AMZ1: variants seen among roughly 807,000 people sequenced by gnomAD.
The protein encoded by AMZ1 is archaelysin family metallopeptidase 1.
AMZ1 carries 39 observed loss-of-function variants against 29.9 expected under a neutral mutation model. The ratio of observed to expected loss-of-function variants is 1.30; its 90% confidence interval spans 1.01 to 1.70. The LOEUF is 1.70. AMZ1 is among the 40% of genes most tolerant of loss of function. AMZ1 has a pLI of 0.00. For missense variants in AMZ1, 1,041 were observed against 680.6 expected (o/e 1.53, Z -5.89); for synonymous variants, 458 against 304.0 (o/e 1.51, Z -5.27).
chr7:2,697,678 G>C (rs568492097), intron 1 of AMZ1, among the ~76,000 whole-genome samples: 9 of 152,298 alleles, frequency 5.9e-5, no homozygotes, highest in Non-Finnish European at 1.2e-4. Context: ...ACCCGCCTCA[G>C]CCTCCTGAAG....
intron 4 of AMZ1, among the ~76,000 whole-genome samples, chr7:2,736,797 A>G (rs931245339): frequency 7.9e-5 from 12 of 152,232 alleles, no homozygotes; most frequent in African/African-American, 2.9e-4. Flanking sequence ...GCACTGCAGC[A>G]GCCTCGCCCG....
chr7:2,709,303 G>C lies in AMZ1; in HGVS notation c.771+59G>C, dbSNP rs567444118. On this transcript the variant is annotated intron_variant, in intron 5 of 6. Transcript: ENST00000683327. Reference sequence around the variant, plus strand: ...CAGGAGGGTGCTGTCTGAGCCCTTGGTGCCTCGGTCTGTTACACTGCCCCA... The same window carrying C: ...CAGGAGGGTGCTGTCTGAGCCCTTGCTGCCTCGGTCTGTTACACTGCCCCA... The C allele has an allele frequency of 7.6e-6, 11 of 1,438,778 alleles. No individual in the cohort carries two copies. In the African/African-American group the frequency reaches 1.4e-4, roughly 19 times the overall value. The allele number at this position is 1,438,778 out of a possible 1,614,324, so 89.1% of individuals were successfully genotyped here.
chr7:2,738,406 C>T (rs1790321562), intron 4 of AMZ1, among the ~76,000 whole-genome samples: 1 of 152,182 alleles, frequency 6.6e-6, no homozygotes, highest in South Asian at 2.1e-4. Context: ...GATCTCCACG[C>T]AGTCAGGGGC....
rs996035384 is a variant in AMZ1, at chr7:2,716,762, G to A, written c.*3884G>A. ...CCCTAGTGGGTCAGTCAACTCCACC[G>A]CTTAAGGGGTCCTTCCTATGTAACG... On this transcript the variant is annotated 3_prime_UTR_variant, in exon 7 of 7. Coordinates refer to ENST00000683327, the MANE Select transcript of AMZ1 (RefSeq NM_001384743.1). Among the ~76,000 whole-genome samples the A allele has an allele frequency of 2.0e-5, 3 of 152,180 alleles. No individual in the cohort carries two copies. Among genetic ancestry groups the A allele is most frequent in the Non-Finnish European group, 2.9e-5 (2 of 68,036 alleles).
intron 1 of AMZ1, among the ~76,000 whole-genome samples, chr7:2,680,417 G>C (rs894566787): frequency 6.6e-6 from 1 of 152,136 alleles, no homozygotes; most frequent in Non-Finnish European, 1.5e-5. Flanking sequence ...GATCCTGCAG[G>C]GCTTCTCCAG....
intron 4 of AMZ1, among the ~76,000 whole-genome samples, chr7:2,736,645 A>C (rs1292808230): frequency 6.6e-6 from 1 of 152,168 alleles, no homozygotes; most frequent in Non-Finnish European, 1.5e-5. Flanking sequence ...AGGCCGACAC[A>C]CGCCCATGAG....
chr7:2,746,091 G>A (rs1303650473), intron 4 of AMZ1, among the ~76,000 whole-genome samples: 1 of 152,110 alleles, frequency 6.6e-6, no homozygotes, highest in Non-Finnish European at 1.5e-5. Flanking sequence ...ACACCCCACT[G>A]TCAACATTAG....
upstream of AMZ1, among the ~76,000 whole-genome samples, chr7:2,761,743 G>C (rs1181152836): frequency 6.6e-6 from 1 of 152,084 alleles, no homozygotes; most frequent in African/African-American, 2.4e-5. Flanking sequence ...TGACAAGATG[G>C]GCCACTGGAA....
At chr7:2,689,818 G>A (rs1435747863) in intron 1 of AMZ1, among the ~76,000 whole-genome samples, 1 of 152,190 alleles carries the variant, frequency 6.6e-6, no homozygotes, top group Non-Finnish European at 1.5e-5. Flanking sequence ...CTCCTTTTTG[G>A]AGCATGGATG....
intron 1 of AMZ1, among the ~76,000 whole-genome samples, chr7:2,696,921 G>C (rs1302449969): frequency 1.3e-5 from 2 of 152,044 alleles, no homozygotes; most frequent in Non-Finnish European, 2.9e-5. Flanking sequence ...TTGAGGGCTG[G>C]TGGGATTGTA....
rs564955841 is a variant in AMZ1, at chr7:2,735,449, C to A, written n.550+25633C>A. ...GCTCTTATCACCACAGGACACAAAG[C>A]CCTGGACACACGTGCTCCGCCCAGA... On this transcript the variant is annotated intron_variant and non_coding_transcript_variant, in intron 4 of 4. Coordinates refer to the AMZ1 transcript ENST00000489665. 3.4e-5 allele frequency among the ~76,000 whole-genome samples: 5 copies of A among 146,906 alleles called. No individual in the cohort carries two copies. The South Asian group carries it at 8.6e-4, about 25-fold the overall frequency.
chr7:2,722,968 G>C (rs1789482898), downstream of AMZ1, among the ~76,000 whole-genome samples: 1 of 152,014 alleles, frequency 6.6e-6, no homozygotes, highest in African/African-American at 2.4e-5. Context: ...CACAGAGCAA[G>C]ACCCTATATT....
chr7:2,708,350 C>T (rs929188678), intron 3 of AMZ1, among the ~76,000 whole-genome samples: 34 of 152,336 alleles, frequency 2.2e-4, no homozygotes, highest in Admixed American at 1.7e-3. Flanking sequence ...AGCGTCCCCA[C>T]TGGGCTGTCC....
chr7:2,727,564 C>A (rs1215685454), intron 4 of AMZ1, among the ~76,000 whole-genome samples: 1 of 152,050 alleles, frequency 6.6e-6, no homozygotes, highest in African/African-American at 2.4e-5. Context: ...AAGATGGGGT[C>A]TCTTGTGGCC....
In AMZ1 at chr7:2,700,719, C is replaced by T. The variant is rs201758008; in HGVS notation, c.268C>T (p.Arg90Cys). The stretch of plus-strand genomic sequence containing the variant: ...CGCCTCCCTGCAGCACCGGAAGCCC[C>T]GCCTGGCTCGGAAGCACATCTACCT... ...FHASLQHRKP[R>C]LARKHIYLQP... Residue 90 changes from arginine (R) to cysteine (C), a missense_variant, in exon 2 of 7, where the codon CGC (arginine) becomes TGC (cysteine). By Grantham distance (180) the Arg-to-Cys change is radical. Coordinates refer to ENST00000683327, the MANE Select transcript of AMZ1 (RefSeq NM_001384743.1). The T allele has an allele frequency of 2.0e-4, 322 of 1,613,104 alleles. 2 individuals carry two copies. In the East Asian group the frequency reaches 4.9e-3, roughly 24 times the overall value.
At chr7:2,705,272 G>T (rs528575953) in intron 3 of AMZ1, among the ~76,000 whole-genome samples, 2 of 152,162 alleles carry the variant, frequency 1.3e-5, no homozygotes. Flanking sequence ...CCCTCCCAGG[G>T]CAGGAAGCAT....
chr7:2,688,481 G>T (rs1002693194), intron 1 of AMZ1, among the ~76,000 whole-genome samples, 185 bp downstream of exon 1: 1 of 152,118 alleles, frequency 6.6e-6, no homozygotes, highest in African/African-American at 2.4e-5. Flanking sequence ...CTTGGCGAGG[G>T]TTTGGTGCAG....
At chr7:2,709,519 C>A (rs1788611921) in intron 5 of AMZ1, 121 bp from the exon 6 acceptor site, 5 of 1,433,750 alleles carry the variant, frequency 3.5e-6, no homozygotes, top group Admixed American at 2.3e-5. Flanking sequence ...GGCGCCTGGA[C>A]CACCTCCCGG....
At chr7:2,685,597 G>A (rs1009700143), upstream of AMZ1, among the ~76,000 whole-genome samples, 3 of 149,318 alleles carry the variant, frequency 2.0e-5, no homozygotes, top group African/African-American at 7.5e-5. Context: ...GCTCATGCCT[G>A]TAATCCCAGC....
Sources: gnomAD v4.1 joint callset for allele counts (sites outside exome capture counted in the v4.1 genomes callset) on GRCh38, gnomAD v4.1.1 for gene constraint, MANE v1.5 for transcripts, NCBI Gene and HGNC (gene_info 2026-07-23, HGNC 2026-07-21) for gene names.